The following NUP155 variants were observed in gnomAD, a reference collection of about 807,000 sequenced individuals.
NUP155 encodes the protein nucleoporin 155, also known as nuclear pore complex protein Nup155.
Under a neutral mutation model 180.4 loss-of-function variants are expected in NUP155, and 71 were observed. The ratio of observed to expected loss-of-function variants is 0.39; its 90% confidence interval spans 0.33 to 0.48. The LOEUF is 0.48. NUP155 is among the 20% of genes least tolerant of loss of function. NUP155 has a pLI of 0.91. For missense variants in NUP155, 1,553 were observed against 1,648.9 expected, an observed-to-expected ratio of 0.94 and a Z score of 1.01; for synonymous variants, 582 against 559.5, an observed-to-expected ratio of 1.04 and a Z score of -0.57.
At chr5:37,303,513 C>A in intron 27 of NUP155, 99 bp from the exon 28 acceptor site, 2 of 1,034,184 alleles carry the variant, frequency 1.9e-6, no homozygotes, top group Non-Finnish European at 2.9e-6. Context: ...TACAACTTTG[C>A]CTTGTTTTAT....
chr5:37,365,752 T>TATATATATACACACACACAC (rs1403169370), intron 1 of NUP155, among the ~76,000 whole-genome samples: 1 of 37,890 alleles, frequency 2.6e-5, no homozygotes, highest in Non-Finnish European at 4.5e-5. Context: ...TATATATATA[T>TATATATATACACACACACAC]ACACACACAC....
chr5:37,310,894 C>T (rs1280028219), intron 22 of NUP155, 151 bp from the exon 23 acceptor site: 5 of 595,880 alleles, frequency 8.4e-6, no homozygotes, highest in East Asian at 3.1e-5. Context: ...CAAATTTTTG[C>T]GAACTTACAT....
intron 11 of NUP155, among the ~76,000 whole-genome samples, chr5:37,340,633 A>G (rs1255611161): frequency 2.6e-5 from 4 of 152,206 alleles, no homozygotes; most frequent in Admixed American, 6.5e-5. Context: ...AGACAATTCA[A>G]TGGGGGATAT....
chr5:37,302,405 G>C (rs569729747), intron 29 of NUP155, among the ~76,000 whole-genome samples: 106 of 152,036 alleles, frequency 7.0e-4, no homozygotes, highest in Non-Finnish European at 1.4e-3. Context: ...GCTAATTCTT[G>C]TATTTTTTTA....
intron 8 of NUP155, 132 bp from the exon 9 acceptor site, chr5:37,348,728 A>G (rs1395243568): frequency 4.3e-6 from 3 of 690,254 alleles, no homozygotes; most frequent in East Asian, 2.8e-5. Flanking sequence ...TCGAAATTTC[A>G]TAGAAAGGGG....
At chr5:37,298,107 C>A (rs1742684033) in intron 32 of NUP155, among the ~76,000 whole-genome samples, 1 of 151,962 alleles carries the variant, frequency 6.6e-6, no homozygotes, top group Non-Finnish European at 1.5e-5. Context: ...GGCGTGGTTG[C>A]AGGCACCTGT....
intron 30 of NUP155, 47 bp from the exon 31 acceptor site, chr5:37,299,615 TCA>T: frequency 6.3e-7 from 1 of 1,594,486 alleles, no homozygotes. Flanking sequence ...AGATCAACAT[TCA>T]GAGATTAATA....
At chr5:37,324,220 T>A in intron 19 of NUP155, 113 bp from the exon 20 acceptor site, 1 of 729,018 alleles carries the variant, frequency 1.4e-6, no homozygotes, top group East Asian at 2.7e-5. Context: ...TTGTATCAAT[T>A]CACACCTGTT....
At chr5:37,315,840 G>C (rs1743849879) in intron 21 of NUP155, among the ~76,000 whole-genome samples, 1 of 152,200 alleles carries the variant, frequency 6.6e-6, no homozygotes, top group Admixed American at 6.5e-5. Context: ...CTACTCGGGA[G>C]GCTGAGGCAG....
At chr5:37,321,324 C>T (rs928890343) in intron 20 of NUP155, among the ~76,000 whole-genome samples, 19 of 151,994 alleles carry the variant, frequency 1.3e-4, no homozygotes, top group Non-Finnish European at 2.2e-4. Context: ...GCAGCCTGGG[C>T]GACAAAGCAA....
chr5:37,331,597 A>T, intron 14 of NUP155, 88 bp downstream of exon 14: 1 of 660,274 alleles, frequency 1.5e-6, no homozygotes, highest in East Asian at 3.0e-5. Flanking sequence ...TATATTTATT[A>T]CAGTATTCCA....
intron 23 of NUP155, 38 bp downstream of exon 23, chr5:37,310,514 T>G: frequency 6.5e-7 from 1 of 1,541,948 alleles, no homozygotes; most frequent in Non-Finnish European, 9.0e-7. Flanking sequence ...ATGATACCTC[T>G]TATAACAAAC....
Position 37,324,166 on chromosome 5 carries a change from A to G in NUP155, c.2092-59T>C. ...AACACACCCTCTGTATAGCTATAAT[A>G]TAAACAATTTTAATTTTGAAATGAG... On this transcript the variant is annotated intron_variant, in intron 19 of 34. Coordinates refer to ENST00000231498, the MANE Select transcript of NUP155 (RefSeq NM_153485.3). The G allele has an allele frequency of 3.0e-6, 3 of 993,544 alleles. No homozygotes were observed. In the Admixed American group the frequency reaches 5.5e-5, roughly 18 times the overall value. 61.5% of individuals were successfully genotyped at this position (993,544 alleles called of 1,614,324 possible).
intron 3 of NUP155, among the ~76,000 whole-genome samples, chr5:37,362,413 C>T (rs750475041): frequency 2.0e-5 from 3 of 151,778 alleles, no homozygotes; most frequent in Non-Finnish European, 4.4e-5. Flanking sequence ...CTCAGCCTCC[C>T]GAGTAGCTGC....
At chr5:37,324,840 A>C (rs1744481990) in intron 19 of NUP155, among the ~76,000 whole-genome samples, 1 of 152,092 alleles carries the variant, frequency 6.6e-6, no homozygotes, top group African/African-American at 2.4e-5. Flanking sequence ...CCAACTCATG[A>C]ACTTTAAGAG....
intron 20 of NUP155, among the ~76,000 whole-genome samples, chr5:37,318,747 A>G (rs1744065687): frequency 6.6e-6 from 1 of 152,200 alleles, no homozygotes; most frequent in Non-Finnish European, 1.5e-5. Context: ...CAAAGCCAAG[A>G]CGTTCATTCT....
intron 30 of NUP155, 196 bp downstream of exon 30, chr5:37,301,241 A>T: frequency 1.9e-6 from 1 of 533,132 alleles, no homozygotes; most frequent in Non-Finnish European, 3.4e-6. Context: ...CTGGCCTGGA[A>T]AGAGTAGCTT....
chr5:37,320,387 G>A (rs986526253), intron 20 of NUP155, among the ~76,000 whole-genome samples: 8 of 152,196 alleles, frequency 5.3e-5, no homozygotes, highest in African/African-American at 1.9e-4. Flanking sequence ...TGAGGCAGGA[G>A]CATCGCTTGA....
In NUP155 at chr5:37,342,563, G is replaced by C; in HGVS notation, c.1079C>G (p.Ala360Gly). Residue 360 changes from alanine (A) to glycine (G), a missense_variant, in exon 10 of 35, where the codon GCT (alanine) becomes GGT (glycine). Coordinates refer to ENST00000231498, the MANE Select transcript of NUP155 (RefSeq NM_153485.3). ...AAACAACATACCTGCATGTGTGACA[G>C]CCAATAACTGACAGTCCAGTGATTC... ...NSESLDCQLL[A>G]VTHAGVRLYF... 2 of 1,606,920 alleles carry C rather than the reference G, an allele frequency of 1.2e-6. No individual in the cohort carries two copies. Among genetic ancestry groups the C allele is most frequent in the South Asian group, 1.1e-5 (1 of 90,954 alleles).
Sources: gnomAD v4.1 joint callset for allele counts (sites outside exome capture counted in the v4.1 genomes callset) on GRCh38, gnomAD v4.1.1 for gene constraint, MANE v1.5 for transcripts, NCBI Gene and HGNC (gene_info 2026-07-23, HGNC 2026-07-21) for gene names.